The following TRIM44 variants were observed in gnomAD, a reference collection of about 807,000 sequenced individuals.
TRIM44 encodes the protein tripartite motif containing 44.
A neutral mutation model predicts 37.4 loss-of-function variants in TRIM44; 13 were observed. The ratio of observed to expected loss-of-function variants is 0.35; its 90% CI spans 0.23 to 0.55. The LOEUF is 0.55. Ranked by LOEUF, TRIM44 falls within the 20% of genes least tolerant of loss-of-function variation. The pLI is 0.89. For synonymous variants in TRIM44, 175 were observed against 157.2 expected (o/e 1.11, Z -0.85); for missense variants, 426 against 437.2 (o/e 0.97, Z 0.23).
chr11:35,777,282 G>C lies in TRIM44; in HGVS notation c.1008-29076G>C, dbSNP rs145300319. Among the ~76,000 whole-genome samples the C allele has an allele frequency of 5.1e-3, 782 of 152,174 alleles. 9 individuals carry two copies. Among genetic ancestry groups the C allele is most frequent in the African/African-American group, 0.018 (743 of 41,476 alleles). On this transcript the variant is annotated intron_variant, in intron 4 of 4. Transcript: ENST00000299413. Reference sequence around the variant, plus strand: ...ATCAGAGACTAGGATTGCAACCCCTGCTTTTTTTTGTTTTCCGTTTGCTTA... The same window carrying C: ...ATCAGAGACTAGGATTGCAACCCCTCCTTTTTTTTGTTTTCCGTTTGCTTA...
chr11:35,668,079 A>G (rs1851351360), intron 1 of TRIM44, among the ~76,000 whole-genome samples: 1 of 152,178 alleles, frequency 6.6e-6, no homozygotes, highest in African/African-American at 2.4e-5. Context: ...GGTAGAACTG[A>G]CCATGGAAGC....
intron 2 of TRIM44, among the ~76,000 whole-genome samples, chr11:35,723,675 C>T (rs1028252272): frequency 2.9e-4 from 44 of 152,190 alleles, no homozygotes; most frequent in African/African-American, 8.7e-4. Flanking sequence ...CACACCTTTA[C>T]TAAGTGAGAT....
chr11:35,738,918 A>G (rs1852358284), intron 4 of TRIM44, among the ~76,000 whole-genome samples: 1 of 152,212 alleles, frequency 6.6e-6, no homozygotes, highest in African/African-American at 2.4e-5. Context: ...TTCAAAGAGA[A>G]TTAGATTCCA....
intron 4 of TRIM44, among the ~76,000 whole-genome samples, chr11:35,757,921 A>AG (rs1852667021): frequency 1.3e-5 from 2 of 152,190 alleles, no homozygotes; most frequent in South Asian, 4.1e-4. Context: ...ACTTCCCACT[A>AG]TGCGGTCAAT....
At chr11:35,743,318 C>T (rs1392314463) in intron 4 of TRIM44, among the ~76,000 whole-genome samples, 9 of 152,134 alleles carry the variant, frequency 5.9e-5, no homozygotes, top group East Asian at 1.9e-4. Flanking sequence ...TTTTCTGTTA[C>T]GCTTTACCTC....
At chr11:35,741,057 G>A (rs1271325347) in intron 4 of TRIM44, among the ~76,000 whole-genome samples, 1 of 152,012 alleles carries the variant, frequency 6.6e-6, no homozygotes, top group Middle Eastern at 3.2e-3. Flanking sequence ...TCTTCTGATT[G>A]CAAATTTGTG....
intron 3 of TRIM44, 146 bp from the exon 4 acceptor site, chr11:35,735,280 C>G: frequency 1.3e-6 from 1 of 750,438 alleles, no homozygotes; most frequent in Non-Finnish European, 2.3e-6. Flanking sequence ...TTGTCTTAGC[C>G]TTTAGATGTC....
intron 2 of TRIM44, among the ~76,000 whole-genome samples, chr11:35,706,709 A>T (rs1346588201): frequency 6.6e-6 from 1 of 151,876 alleles, no homozygotes; most frequent in East Asian, 1.9e-4. Flanking sequence ...ACAAAATTCA[A>T]CAACCCTTCA....
At chr11:35,748,699 G>T (rs1207888576) in intron 4 of TRIM44, among the ~76,000 whole-genome samples, 2 of 152,122 alleles carry the variant, frequency 1.3e-5, no homozygotes, top group African/African-American at 4.8e-5. Context: ...GTAAAACAAG[G>T]TTAGCTGCAA....
intron 4 of TRIM44, among the ~76,000 whole-genome samples, chr11:35,756,437 C>G (rs1852641985): frequency 6.6e-6 from 1 of 152,202 alleles, no homozygotes; most frequent in Non-Finnish European, 1.5e-5. Flanking sequence ...GATATATAAT[C>G]ATGTCATCTG....
chr11:35,685,681 T>G (rs1400279009), intron 2 of TRIM44, among the ~76,000 whole-genome samples: 3 of 152,164 alleles, frequency 2.0e-5, no homozygotes, highest in African/African-American at 4.8e-5. Flanking sequence ...TTTTTTTTTT[T>G]GAGACAGAGT....
intron 1 of TRIM44, among the ~76,000 whole-genome samples, chr11:35,673,993 G>A (rs1256257905): frequency 6.6e-6 from 1 of 151,926 alleles, no homozygotes; most frequent in Admixed American, 6.6e-5. Context: ...AGGACCAGCC[G>A]AGTTTCCTGT....
chr11:35,727,781 G>T (rs1176926491), intron 3 of TRIM44, among the ~76,000 whole-genome samples: 2 of 152,192 alleles, frequency 1.3e-5, no homozygotes, highest in African/African-American at 4.8e-5. Context: ...TTCAGTGCCT[G>T]TGCTTTCCCC....
rs185071846 is a variant in TRIM44 at position 35,729,950 on chromosome 11, A to G, written c.987+3787A>G. On this transcript the variant is annotated intron_variant, in intron 3 of 4. Coordinates refer to ENST00000299413, the MANE Select transcript of TRIM44 (RefSeq NM_017583.6). ...TGTGTTCACAGCACTATACCCCAGT[A>G]TGGGTGACAGTGCAAGACCCTGTCT... 3.9e-3 allele frequency among the ~76,000 whole-genome samples: 587 copies of G among 152,324 alleles called. 4 individuals are homozygous for G. Among genetic ancestry groups the G allele is most frequent in the Middle Eastern group, 0.014 (4 of 294 alleles).
chr11:35,673,291 G>A (rs894155466), intron 1 of TRIM44, among the ~76,000 whole-genome samples: 1 of 152,184 alleles, frequency 6.6e-6, no homozygotes, highest in Non-Finnish European at 1.5e-5. Context: ...ATGACATCCT[G>A]TGAAGATCTA....
chr11:35,782,024 G>A (rs1853072009), intron 4 of TRIM44, among the ~76,000 whole-genome samples: 1 of 152,220 alleles, frequency 6.6e-6, no homozygotes, highest in African/African-American at 2.4e-5. Flanking sequence ...TGTACCAGGT[G>A]CCATGCCAAG....
intron 4 of TRIM44, among the ~76,000 whole-genome samples, chr11:35,803,774 CA>C (rs1853401846): frequency 6.6e-6 from 1 of 151,976 alleles, no homozygotes; most frequent in South Asian, 2.1e-4. Flanking sequence ...AGCTTATATA[CA>C]AAGTTTATAT....
intron 4 of TRIM44, among the ~76,000 whole-genome samples, chr11:35,783,472 A>G (rs892327080): frequency 3.9e-5 from 6 of 152,184 alleles, no homozygotes; most frequent in African/African-American, 1.4e-4. Context: ...CATTATTTCA[A>G]ATGTGCTGCC....
At chr11:35,787,772 T>C (rs1301293410) in intron 4 of TRIM44, among the ~76,000 whole-genome samples, 1 of 152,168 alleles carries the variant, frequency 6.6e-6, no homozygotes, top group Non-Finnish European at 1.5e-5. Context: ...ATGGATTTCA[T>C]GTTAAATGCC....
Sources: allele counts gnomAD v4.1 joint callset (sites outside exome capture counted in the v4.1 genomes callset), GRCh38; gene constraint gnomAD v4.1.1; transcripts MANE v1.5; gene names NCBI Gene and HGNC (gene_info 2026-07-23, HGNC 2026-07-21).